B4GALNT3: variants seen among roughly 807,000 people sequenced by gnomAD.
B4GALNT3 encodes beta-1,4-N-acetylgalactosaminyltransferase 3.
B4GALNT3 carries 86 observed loss-of-function variants against 120.2 expected under a neutral mutation model. The ratio of observed to expected loss-of-function variants is 0.72; its 90% CI spans 0.60 to 0.86. The LOEUF (loss-of-function observed/expected upper bound fraction) is 0.86. Among genes scored for constraint, B4GALNT3 ranks in the 40% least tolerant of loss-of-function variants. The pLI is 0.00. For synonymous variants in B4GALNT3, 518 were observed against 510.4 expected, an observed-to-expected ratio of 1.01 and a Z score of -0.20; for missense variants, 1,167 against 1,298.9, an observed-to-expected ratio of 0.90 and a Z score of 1.56.
At chr12:487,863 A>C (rs1946304975) in intron 1 of B4GALNT3, among the ~76,000 whole-genome samples, 1 of 152,170 alleles carries the variant, frequency 6.6e-6, no homozygotes, top group Non-Finnish European at 1.5e-5. Flanking sequence ...AGGTGGGAGG[A>C]TCACTAGAGC....
At chr12:511,523 T>C in intron 1 of B4GALNT3, among the ~76,000 whole-genome samples, 1 of 137,698 alleles carries the variant, frequency 7.3e-6, no homozygotes, top group East Asian at 2.1e-4. Flanking sequence ...TCTTCCACCT[T>C]CCACCTTCCA....
chr12:510,526 C>T (rs1443522374), intron 1 of B4GALNT3, among the ~76,000 whole-genome samples: 5 of 122,866 alleles, frequency 4.1e-5, no homozygotes, highest in African/African-American at 1.4e-4. Context: ...GCAAGTCAGA[C>T]TCTGGTGAGC....
intron 7 of B4GALNT3, among the ~76,000 whole-genome samples, chr12:547,141 G>A (rs1025760972): frequency 1.4e-5 from 2 of 142,276 alleles, no homozygotes; most frequent in Admixed American, 1.4e-4. Context: ...GCGCGCTCAC[G>A]CAGGCGGGAA....
At chr12:494,680 G>C (rs1253898015) in intron 1 of B4GALNT3, among the ~76,000 whole-genome samples, 1 of 152,100 alleles carries the variant, frequency 6.6e-6, no homozygotes, top group African/African-American at 2.4e-5. Context: ...ATTGGAACAG[G>C]AGTGTAGGAG....
At chr12:546,822 G>A (rs1947013488) in intron 7 of B4GALNT3, 109 bp downstream of exon 7, 5 of 1,115,180 alleles carry the variant, frequency 4.5e-6, no homozygotes, top group Non-Finnish European at 6.6e-6. Flanking sequence ...CCGTGTGTCC[G>A]GCACCCACAC....
intron 1 of B4GALNT3, among the ~76,000 whole-genome samples, chr12:512,299 A>C (rs1328880773): frequency 6.3e-5 from 4 of 63,390 alleles, no homozygotes; most frequent in Admixed American, 2.1e-4. Flanking sequence ...ACCTTCTTCC[A>C]CCTTCCACCT....
At chr12:492,271 G>C (rs1006898387) in intron 1 of B4GALNT3, among the ~76,000 whole-genome samples, 1 of 152,108 alleles carries the variant, frequency 6.6e-6, no homozygotes, top group Non-Finnish European at 1.5e-5. Context: ...AAGTATAGAA[G>C]GGTTGCAGGA....
At chr12:532,770 G>A (rs1946820080) in intron 1 of B4GALNT3, among the ~76,000 whole-genome samples, 1 of 152,188 alleles carries the variant, frequency 6.6e-6, no homozygotes, top group Admixed American at 6.5e-5. Flanking sequence ...GAGCATCTAA[G>A]GTTTGGTCAA....
At chr12:554,561 C>A (rs541236736) in intron 14 of B4GALNT3, among the ~76,000 whole-genome samples, 3 of 150,552 alleles carry the variant, frequency 2.0e-5, no homozygotes, top group African/African-American at 2.4e-5. Flanking sequence ...GAGGCCGAGG[C>A]GGGCGGATCA....
At chr12:538,946 G>T (rs1946888211) in intron 3 of B4GALNT3, among the ~76,000 whole-genome samples, 1 of 152,240 alleles carries the variant, frequency 6.6e-6, no homozygotes, top group South Asian at 2.1e-4. Flanking sequence ...TCCGGGAGCT[G>T]TCAGGTTGTT....
At chr12:552,336 C>A in intron 12 of B4GALNT3, 131 bp from the exon 13 acceptor site, 1 of 928,690 alleles carries the variant, frequency 1.1e-6, no homozygotes, top group Non-Finnish European at 1.7e-6. Context: ...CACACACACA[C>A]CCGCTCACCA....
At chr12:511,923 C>A (rs1946575390) in intron 1 of B4GALNT3, among the ~76,000 whole-genome samples, 1 of 139,912 alleles carries the variant, frequency 7.1e-6, no homozygotes, top group Admixed American at 6.9e-5. Context: ...CTTCTTCCAC[C>A]TTCCACCTTC....
At chr12:484,434 T>C (rs951216960) in intron 1 of B4GALNT3, among the ~76,000 whole-genome samples, 1 of 152,160 alleles carries the variant, frequency 6.6e-6, no homozygotes, top group African/African-American at 2.4e-5. Flanking sequence ...TTCACAGTGG[T>C]TCTCGGCCTG....
At chr12:502,651 G>A (rs1176444353) in intron 1 of B4GALNT3, among the ~76,000 whole-genome samples, 2 of 152,250 alleles carry the variant, frequency 1.3e-5, no homozygotes, top group African/African-American at 4.8e-5. Context: ...AAGGCAGTGA[G>A]TGGTGTTCTT....
At chr12:475,196 G>A (rs144676606) in intron 1 of B4GALNT3, among the ~76,000 whole-genome samples, 277 of 152,238 alleles carry the variant, frequency 1.8e-3, no homozygotes, top group African/African-American at 6.2e-3. Context: ...AAGTTTGCTC[G>A]TCTCCTGTAT....
intron 1 of B4GALNT3, among the ~76,000 whole-genome samples, chr12:474,989 C>T (rs1946170525): frequency 6.9e-6 from 1 of 144,540 alleles, no homozygotes; most frequent in African/African-American, 2.6e-5. Context: ...TGGTGCATGC[C>T]TGTGGTCCCA....
intron 7 of B4GALNT3, among the ~76,000 whole-genome samples, chr12:547,279 G>A (rs1004261448): frequency 6.6e-6 from 1 of 152,220 alleles, no homozygotes; most frequent in African/African-American, 2.4e-5. Flanking sequence ...CGACAGCACA[G>A]TAGGGTGACT....
At chr12:544,302 C>A in intron 3 of B4GALNT3, 37 bp from the exon 4 acceptor site, 1 of 1,599,520 alleles carries the variant, frequency 6.3e-7, no homozygotes. Flanking sequence ...GCATGGGGTG[C>A]TCACGCTCAC....
intron 2 of B4GALNT3, among the ~76,000 whole-genome samples, chr12:535,888 G>A (rs937643164): frequency 9.9e-5 from 15 of 152,126 alleles, no homozygotes; most frequent in African/African-American, 3.4e-4. Context: ...TGGTGTCCCT[G>A]AGGGGCTCCC....
Sources: allele counts gnomAD v4.1 joint callset (sites outside exome capture counted in the v4.1 genomes callset), GRCh38; gene constraint gnomAD v4.1.1; transcripts MANE v1.5; gene names NCBI Gene and HGNC (gene_info 2026-07-23, HGNC 2026-07-21).